The following ADAM12 variants were observed in gnomAD, a reference collection of about 807,000 sequenced individuals.
The protein encoded by ADAM12 is ADAM metallopeptidase domain 12, also known as disintegrin and metalloproteinase domain-containing protein 12.
ADAM12 carries 70 observed loss-of-function variants against 106.4 expected under a neutral mutation model. That is an observed-to-expected ratio of 0.66 (90% CI 0.54 to 0.80). ADAM12 has a LOEUF of 0.80. Ranked by LOEUF, ADAM12 falls within the 30% of genes least tolerant of loss-of-function variation. The pLI is 0.00. For missense variants in ADAM12, 1,010 were observed against 1,171.9 expected, an observed-to-expected ratio of 0.86 and a Z score of 2.02; for synonymous variants, 420 against 433.5, an observed-to-expected ratio of 0.97 and a Z score of 0.39.
chr10:126,108,578 T>C lies in ADAM12; in HGVS notation c.741+15A>G, dbSNP rs199615828. 6.2e-7 allele frequency: 1 copy of C among 1,609,566 alleles called. No homozygotes were observed. Among genetic ancestry groups the C allele is most frequent in the South Asian group, 1.1e-5 (1 of 90,960 alleles). Reference sequence around the variant, plus strand: ...TACATGATCTGAATGATTTAACTACTGAAAAAGAACTTACCTTGTCAACGT... The same window carrying C: ...TACATGATCTGAATGATTTAACTACCGAAAAAGAACTTACCTTGTCAACGT... On this transcript the variant is annotated intron_variant, in intron 8 of 22. Coordinates refer to ENST00000448723, the MANE Select transcript of ADAM12 (RefSeq NM_001288973.2).
chr10:126,027,545 A>G (rs1953897066), intron 21 of ADAM12, among the ~76,000 whole-genome samples: 1 of 152,224 alleles, frequency 6.6e-6, no homozygotes, highest in Non-Finnish European at 1.5e-5. Flanking sequence ...TCGTCCCAAG[A>G]TGCAAGGTTG....
At chr10:126,022,641 T>C (rs777600618) in intron 21 of ADAM12, among the ~76,000 whole-genome samples, 2 of 152,198 alleles carry the variant, frequency 1.3e-5, no homozygotes, top group Non-Finnish European at 2.9e-5. Flanking sequence ...TCATTCTGCC[T>C]TTGCAAAACC....
chr10:126,133,566 A>G (rs776075117), intron 5 of ADAM12, among the ~76,000 whole-genome samples: 7 of 152,076 alleles, frequency 4.6e-5, no homozygotes, highest in Non-Finnish European at 8.8e-5. Context: ...CCTACAGTCT[A>G]TTTCCAGCCT....
chr10:126,124,006 G>A (rs553751407), intron 5 of ADAM12, among the ~76,000 whole-genome samples: 1 of 152,244 alleles, frequency 6.6e-6, no homozygotes, highest in South Asian at 2.1e-4. Flanking sequence ...CTCAAGATAA[G>A]TTTTTGTCCT....
chr10:126,088,055 G>A (rs982837388), intron 11 of ADAM12, among the ~76,000 whole-genome samples: 4 of 152,098 alleles, frequency 2.6e-5, no homozygotes, highest in Admixed American at 6.6e-5. Flanking sequence ...ATTATTGGTC[G>A]CTTTTTAAAA....
At chr10:126,017,459 C>T (rs3781001) in intron 22 of ADAM12, 120 bp from the exon 23 acceptor site, 354,541 of 907,206 alleles carry the variant, frequency 0.39, 70,879 homozygotes, top group South Asian at 0.46. Context: ...TGTCAGATAC[C>T]ACTGCCCCTC....
At chr10:126,058,628 G>C (rs1954684143) in intron 14 of ADAM12, among the ~76,000 whole-genome samples, 1 of 152,196 alleles carries the variant, frequency 6.6e-6, no homozygotes, top group Non-Finnish European at 1.5e-5. Flanking sequence ...CATCATTAAA[G>C]GAAAGAGGCT....
intron 11 of ADAM12, among the ~76,000 whole-genome samples, chr10:126,073,294 G>A (rs1164298904): frequency 3.3e-5 from 5 of 152,132 alleles, no homozygotes; most frequent in African/African-American, 1.2e-4. Context: ...CACCATGTTG[G>A]CCAGGCTGGC....
At chr10:126,155,743 A>G (rs1166162442) in intron 3 of ADAM12, among the ~76,000 whole-genome samples, 1 of 152,212 alleles carries the variant, frequency 6.6e-6, no homozygotes, top group Non-Finnish European at 1.5e-5. Context: ...ACCTGCTGGG[A>G]AAATCATTCT....
intron 1 of ADAM12, among the ~76,000 whole-genome samples, chr10:126,381,809 T>A (rs1401889128): frequency 6.6e-6 from 1 of 151,906 alleles, no homozygotes; most frequent in Admixed American, 6.6e-5. Flanking sequence ...ACCAAAAATT[T>A]AAAAATTAAG....
intron 14 of ADAM12, among the ~76,000 whole-genome samples, chr10:126,051,055 G>T (rs1288678274): frequency 6.6e-6 from 1 of 152,054 alleles, no homozygotes; most frequent in Non-Finnish European, 1.5e-5. Context: ...GACACACTCA[G>T]CTCCTATTAG....
chr10:126,225,636 C>T (rs1958179591), intron 3 of ADAM12, among the ~76,000 whole-genome samples: 1 of 152,172 alleles, frequency 6.6e-6, no homozygotes, highest in Non-Finnish European at 1.5e-5. Context: ...GCAAGAGGGG[C>T]CTGGATTCCC....
At chr10:126,277,962 G>C (rs948396089) in intron 3 of ADAM12, among the ~76,000 whole-genome samples, 10 of 152,140 alleles carry the variant, frequency 6.6e-5, no homozygotes, top group Non-Finnish European at 1.3e-4. Flanking sequence ...ACAAGTAAAT[G>C]ATCTGAGTTG....
intron 5 of ADAM12, among the ~76,000 whole-genome samples, chr10:126,121,185 A>ATATACAC (rs1956098122): frequency 9.5e-6 from 1 of 105,548 alleles, no homozygotes; most frequent in Non-Finnish European, 1.7e-5. Context: ...TATATACACT[A>ATATACAC]TATACTATAT....
chr10:126,202,264 G>A (rs997899159), intron 3 of ADAM12, among the ~76,000 whole-genome samples: 1 of 152,218 alleles, frequency 6.6e-6, no homozygotes, highest in African/African-American at 2.4e-5. Flanking sequence ...AATAAACAGG[G>A]CATACCATAA....
At chr10:126,058,654 C>T (rs576006383) in intron 14 of ADAM12, among the ~76,000 whole-genome samples, 12 of 152,264 alleles carry the variant, frequency 7.9e-5, no homozygotes, top group African/African-American at 2.6e-4. Flanking sequence ...GCACGGAGCC[C>T]GCAGACAACT....
At chr10:126,100,888 C>T (rs1356826028) in intron 9 of ADAM12, among the ~76,000 whole-genome samples, 184 bp downstream of exon 9, 1 of 152,134 alleles carries the variant, frequency 6.6e-6, no homozygotes, top group African/African-American at 2.4e-5. Flanking sequence ...GGAGACTTTC[C>T]TAGCAGACCT....
chr10:126,145,011 C>T (rs914759895), intron 4 of ADAM12, among the ~76,000 whole-genome samples: 11 of 152,216 alleles, frequency 7.2e-5, no homozygotes, highest in African/African-American at 2.7e-4. Flanking sequence ...CCTTTCCTGA[C>T]AATTTTATGG....
chr10:126,094,126 G>A lies in ADAM12; in HGVS notation c.1004C>T (p.Ser335Leu). 6.2e-7 allele frequency: 1 copy of A among 1,613,894 alleles called. No individual in the cohort carries two copies. ...DQSGGIVMDH[S>L]DNPLGAAVTL... is the part of the protein sequence containing the mutation. ...CACGGCTGCACCAAGGGGATTGTCT[G>A]AATGGTCCTCAAAGAAAACACAAAA... Residue 335 changes from serine (S) to leucine (L), a missense_variant, in exon 11 of 23, where the codon TCA becomes TTA. By Grantham distance (145) the Ser-to-Leu change is moderately radical. Coordinates refer to ENST00000448723, the MANE Select transcript of ADAM12 (RefSeq NM_001288973.2).
Sources: allele counts gnomAD v4.1 joint callset (sites outside exome capture counted in the v4.1 genomes callset), GRCh38; gene constraint gnomAD v4.1.1; transcripts MANE v1.5; gene names NCBI Gene and HGNC (gene_info 2026-07-23, HGNC 2026-07-21).